TRIP12: variants seen among roughly 807,000 people sequenced by gnomAD.
TRIP12 encodes thyroid hormone receptor interactor 12, also known as E3 ubiquitin-protein ligase TRIP12.
A neutral mutation model predicts 244.2 loss-of-function variants in TRIP12; 25 were observed. The ratio of observed to expected loss-of-function variants is 0.10; its 90% CI spans 0.07 to 0.14. The LOEUF is 0.14. Ranked by LOEUF, TRIP12 falls within the 10% of genes least tolerant of loss-of-function variation. The probability of loss-of-function intolerance (pLI) is 1.00; values close to 1 mark genes in which losing one functional copy is unlikely to be tolerated. For missense variants in TRIP12, 1,677 were observed against 2,486.4 expected (o/e 0.67, Z 6.92); for synonymous variants, 905 against 873.1 (o/e 1.04, Z -0.64).
chr2:229,867,874 C>G (rs1167658695), intron 2 of TRIP12, among the ~76,000 whole-genome samples: 1 of 152,172 alleles, frequency 6.6e-6, no homozygotes, highest in African/African-American at 2.4e-5. Context: ...TAATAGAAAA[C>G]ATATAAACTA....
Position 229,804,143 on chromosome 2 carries a change from G to A in TRIP12, c.2735C>T (p.Thr912Ile), listed in dbSNP as rs1321492546. The change falls in exon 19 of 42, where the codon ACA (threonine) becomes ATA (isoleucine). Residue 912 changes from threonine (T) to isoleucine (I), a missense_variant. Thr to Ile is a moderately conservative substitution (Grantham distance 89). Around this residue, in one of 11 missense-constraint regions of TRIP12, gnomAD observed 572 missense variants for 867.8 expected, o/e 0.66. Coordinates refer to ENST00000675903, the MANE Select transcript of TRIP12 (RefSeq NM_001348323.3). ...DPELAKSFIK[T>I]LFGVLYEVYS... ...CACTTCATAAAGAACACCAAATAATGTCTTAATAAAAGACTTAGCCAGTTC... is the reference window on the plus strand; with the variant it reads ...CACTTCATAAAGAACACCAAATAATATCTTAATAAAAGACTTAGCCAGTTC... The A allele has an allele frequency of 3.1e-6, 5 of 1,613,984 alleles. No individual in the cohort carries two copies. The South Asian group carries it at 3.3e-5, about 11-fold the overall frequency.
At chr2:229,801,593 C>T (rs1054368251) in intron 21 of TRIP12, among the ~76,000 whole-genome samples, 2 of 151,992 alleles carry the variant, frequency 1.3e-5, no homozygotes, top group Non-Finnish European at 2.9e-5. Flanking sequence ...CTTCTAATAG[C>T]AAGGAAATAA....
At chr2:229,783,601 A>C (rs1389247300) in intron 34 of TRIP12, among the ~76,000 whole-genome samples, 3 of 152,174 alleles carry the variant, frequency 2.0e-5, no homozygotes, top group African/African-American at 7.2e-5. Context: ...AGACCTCTAG[A>C]TGTAAATAAT....
intron 1 of TRIP12, among the ~76,000 whole-genome samples, chr2:229,917,545 GCT>G (rs1265133336): frequency 6.6e-6 from 1 of 151,818 alleles, no homozygotes; most frequent in Non-Finnish European, 1.5e-5. Flanking sequence ...ATTAACTAAA[GCT>G]TGGCCTATGA....
upstream of TRIP12, chr2:229,922,174 C>G (rs892634273): frequency 4.7e-6 from 1 of 210,938 alleles, no homozygotes; most frequent in Non-Finnish European, 9.6e-6. Context: ...CCACGCCTCC[C>G]GGCTCGACTC....
At chr2:229,824,254 A>G (rs1263058440) in intron 8 of TRIP12, among the ~76,000 whole-genome samples, 1 of 152,230 alleles carries the variant, frequency 6.6e-6, no homozygotes, top group African/African-American at 2.4e-5. Flanking sequence ...GAAGATACAT[A>G]TAACTAAAAA....
chr2:229,833,554 T>TG (rs888421500), intron 6 of TRIP12, among the ~76,000 whole-genome samples: 82 of 152,080 alleles, frequency 5.4e-4, no homozygotes, highest in Non-Finnish European at 8.8e-5. Flanking sequence ...CTCTGAATGT[T>TG]GGAGTTACAG....
At chr2:229,872,920 T>C (rs1265507965) in intron 2 of TRIP12, among the ~76,000 whole-genome samples, 4 of 152,220 alleles carry the variant, frequency 2.6e-5, no homozygotes, top group East Asian at 1.9e-4. Flanking sequence ...CTTTAAGGAA[T>C]AGGACTGTAG....
intron 8 of TRIP12, among the ~76,000 whole-genome samples, chr2:229,827,407 C>G (rs889046414): frequency 6.6e-6 from 1 of 152,044 alleles, no homozygotes; most frequent in Non-Finnish European, 1.5e-5. Context: ...AACAGCTGTA[C>G]AAAAACATTT....
In TRIP12 at chr2:229,768,671, C is replaced by T. The variant is rs780276358; in HGVS notation, c.5952G>A (p.Glu1984=). Reference sequence around the variant, plus strand: ...CAAACTGGAGAAATAACCTCTGCTGCTCATTATCAAAACTACTGAGAATCT... The same window carrying T: ...CAAACTGGAGAAATAACCTCTGCTGTTCATTATCAAAACTACTGAGAATCT... ...LFEILSSFDN[E]QQRLFLQFVT... Residue 1984 remains glutamate (E), a synonymous_variant, in exon 41 of 42, where the codon GAG becomes GAA. Transcript: ENST00000675903. The T allele has an allele frequency of 1.9e-6, 3 of 1,610,870 alleles. No homozygotes were observed. The highest frequency in any genetic ancestry group is 2.7e-5 in the African/African-American group (2 of 74,648).
intron 4 of TRIP12, 50 bp downstream of exon 4, chr2:229,858,722 C>T: frequency 6.7e-7 from 1 of 1,484,522 alleles, no homozygotes; most frequent in Non-Finnish European, 9.0e-7. Flanking sequence ...TTTTGACAAA[C>T]CAAGAGAAAC....
At chr2:229,891,292 G>A (rs2067293515) in intron 1 of TRIP12, among the ~76,000 whole-genome samples, 4 of 152,120 alleles carry the variant, frequency 2.6e-5, no homozygotes, top group Admixed American at 2.6e-4. Flanking sequence ...CGTGGTGGTG[G>A]TGCACATCTG....
In TRIP12 at chr2:229,778,192, G is replaced by A. The variant is rs998669080; in HGVS notation, c.5364+241C>T. ...CTATCCAAGGAGGGGTCCACAACCT[G>A]GCAATCGGGCATGCCCTGGGAGCTG... On this transcript the variant is annotated intron_variant, in intron 36 of 41. Coordinates refer to ENST00000675903, the MANE Select transcript of TRIP12 (RefSeq NM_001348323.3). This position sits in a 1 kb window ranked among gnomAD's most constrained non-coding sequence, Gnocchi z 4.1. 3.3e-5 allele frequency among the ~76,000 whole-genome samples: 5 copies of A among 152,136 alleles called. No individual in the cohort carries two copies. Among genetic ancestry groups the A allele is most frequent in the African/African-American group, 1.2e-4 (5 of 41,392 alleles).
rs575345728 is a variant in TRIP12, at chr2:229,888,274, T to C, written c.-49-8146A>G. On this transcript the variant is annotated intron_variant, in intron 1 of 41. Coordinates refer to ENST00000675903, the MANE Select transcript of TRIP12 (RefSeq NM_001348323.3). ...TTCAATAAGCAAATGGAAGTAAAGA[T>C]TGAGAATTATGTAGGCAACTGGATA... Among the ~76,000 whole-genome samples the C allele has an allele frequency of 5.9e-5, 9 of 152,128 alleles. No homozygotes were observed. The South Asian group carries it at 1.7e-3, about 28-fold the overall frequency.
intron 20 of TRIP12, 115 bp from the exon 21 acceptor site, chr2:229,802,574 C>T (rs568309428): frequency 5.9e-6 from 4 of 674,968 alleles, no homozygotes; most frequent in Non-Finnish European, 9.1e-6. Flanking sequence ...AAGACTAAAA[C>T]ATAACTGGCA....
chr2:229,801,980 T>C (rs1575198515), intron 21 of TRIP12, among the ~76,000 whole-genome samples: 1 of 152,208 alleles, frequency 6.6e-6, no homozygotes, highest in African/African-American at 2.4e-5. Flanking sequence ...GTAACATAAG[T>C]GTGTAACACC....
At chr2:229,822,933 G>A (rs906138616) in intron 8 of TRIP12, among the ~76,000 whole-genome samples, 4 of 152,034 alleles carry the variant, frequency 2.6e-5, no homozygotes, top group Admixed American at 6.6e-5. Context: ...ACTCATTGAC[G>A]GGTTTAACAA....
intron 4 of TRIP12, among the ~76,000 whole-genome samples, chr2:229,853,225 C>A (rs1008158832): frequency 6.6e-6 from 1 of 151,876 alleles, no homozygotes; most frequent in Admixed American, 6.6e-5. Context: ...AAAAACCTAC[C>A]CAATGTGAAA....
intron 26 of TRIP12, 26 bp downstream of exon 26, chr2:229,795,153 G>A (rs1157326161): frequency 1.2e-6 from 2 of 1,602,524 alleles, no homozygotes; most frequent in Non-Finnish European, 8.5e-7. Flanking sequence ...CCAGTGGCAA[G>A]GGTATAGCCA....
Sources: gnomAD v4.1 joint callset for allele counts (sites outside exome capture counted in the v4.1 genomes callset) on GRCh38, gnomAD v4.1.1 for gene constraint, gnomAD v4.1.1 regional missense constraint, Gnocchi (gnomAD v3.1) non-coding constraint, MANE v1.5 for transcripts, NCBI Gene and HGNC (gene_info 2026-07-23, HGNC 2026-07-21) for gene names.